DOCK1: variants seen among roughly 807,000 people sequenced by gnomAD.
DOCK1 encodes the protein dedicator of cytokinesis protein 1.
DOCK1 carries 138 observed loss-of-function variants against 262.7 expected under a neutral mutation model. The observed-to-expected ratio is 0.53, with a 90% CI of 0.46 to 0.61. The LOEUF is 0.61. DOCK1 is among the 20% of genes least tolerant of loss of function. The probability of loss-of-function intolerance (pLI) is 0.00; values close to 1 mark genes in which losing one functional copy is unlikely to be tolerated. For synonymous variants in DOCK1, 866 were observed against 867.4 expected, an observed-to-expected ratio of 1.00 and a Z score of 0.03; for missense variants, 1,908 against 2,370.7, an observed-to-expected ratio of 0.80 and a Z score of 4.05.
intron 33 of DOCK1, among the ~76,000 whole-genome samples, chr10:127,371,825 T>C (rs2065224069): frequency 6.6e-6 from 1 of 152,210 alleles, no homozygotes; most frequent in Non-Finnish European, 1.5e-5. Flanking sequence ...CTCCCTTGTA[T>C]GTGATTCCAA....
At chr10:127,415,266 T>A (rs776233441) in intron 44 of DOCK1, 28 bp downstream of exon 44, 46 of 1,603,236 alleles carry the variant, frequency 2.9e-5, no homozygotes, top group Non-Finnish European at 3.8e-5. Context: ...CCAGAAGGAA[T>A]TGTCCGTTCC....
intron 27 of DOCK1, among the ~76,000 whole-genome samples, chr10:127,224,044 C>G (rs1487415395): frequency 6.6e-6 from 1 of 152,106 alleles, no homozygotes; most frequent in Non-Finnish European, 1.5e-5. Context: ...TGACTCACAG[C>G]AAAAAGAAGA....
intron 4 of DOCK1, among the ~76,000 whole-genome samples, chr10:126,984,332 T>G (rs2039198568): frequency 6.6e-6 from 1 of 152,170 alleles, no homozygotes; most frequent in Non-Finnish European, 1.5e-5. Flanking sequence ...AAATTATTAT[T>G]ATTTTTATTT....
intron 27 of DOCK1, among the ~76,000 whole-genome samples, chr10:127,150,513 G>A (rs2052386282): frequency 6.6e-6 from 1 of 152,192 alleles, no homozygotes; most frequent in Non-Finnish European, 1.5e-5. Context: ...CACGACATAA[G>A]TGGTGCACCC....
chr10:127,342,706 T>C (rs1389606732), intron 30 of DOCK1, among the ~76,000 whole-genome samples: 1 of 152,218 alleles, frequency 6.6e-6, no homozygotes, highest in Non-Finnish European at 1.5e-5. Flanking sequence ...ATAATACATA[T>C]TATCCCTGGT....
chr10:127,149,635 G>C (rs556438481), intron 27 of DOCK1, among the ~76,000 whole-genome samples: 126 of 152,258 alleles, frequency 8.3e-4, no homozygotes, highest in Non-Finnish European at 1.7e-3. Context: ...GAAAAGTGGT[G>C]TTTAAATGCA....
At chr10:127,090,852 T>A (rs1221148840) in intron 23 of DOCK1, among the ~76,000 whole-genome samples, 1 of 152,218 alleles carries the variant, frequency 6.6e-6, no homozygotes, top group African/African-American at 2.4e-5. Flanking sequence ...TAGTATTCCA[T>A]TGTATGGACA....
At chr10:127,037,109 CA>C (rs1413309058) in intron 18 of DOCK1, among the ~76,000 whole-genome samples, 2 of 151,732 alleles carry the variant, frequency 1.3e-5, no homozygotes, top group African/African-American at 4.8e-5. Flanking sequence ...ATATAAAATG[CA>C]ACAAACAAAA....
rs772389830 is a variant in DOCK1 at position 127,052,757 on chromosome 10, A to G, written c.2278A>G (p.Met760Val). 5 of 1,613,876 alleles carry G rather than the reference A, an allele frequency of 3.1e-6. No individual in the cohort carries two copies. Among genetic ancestry groups the G allele is most frequent in the Admixed American group, 1.7e-5 (1 of 60,004 alleles). The change falls in exon 22 of 52, where the codon ATG becomes GTG. Residue 760 changes from methionine to valine, a missense_variant. Transcript: ENST00000623213. ...PGVNEQLYKAMKALESIFKFI... is the reference protein window; with the variant it reads ...PGVNEQLYKAVKALESIFKFI... ...AGTAAATGAGCAGCTGTACAAAGCC[A>G]TGAAAGCGCTAGAATCCATCTTCAA...
chr10:127,044,602 C>A (rs913979416), intron 21 of DOCK1, among the ~76,000 whole-genome samples: 2 of 152,098 alleles, frequency 1.3e-5, no homozygotes, highest in East Asian at 3.9e-4. Context: ...AAACGTAGCA[C>A]GGCCTCCACG....
chr10:127,237,110 G>C (rs1458204936), intron 27 of DOCK1, among the ~76,000 whole-genome samples: 4 of 152,132 alleles, frequency 2.6e-5, no homozygotes, highest in African/African-American at 7.2e-5. Flanking sequence ...TGTAATCCCA[G>C]CACTTTGGGA....
chr10:127,368,981 T>C (rs2065069858), intron 33 of DOCK1, among the ~76,000 whole-genome samples: 1 of 152,210 alleles, frequency 6.6e-6, no homozygotes, highest in Non-Finnish European at 1.5e-5. Context: ...CATGGAGCTA[T>C]TTTCTGTCAT....
intron 27 of DOCK1, among the ~76,000 whole-genome samples, chr10:127,206,136 CTTTTTTTTTTTTT>C (rs34450374): frequency 2.5e-5 from 2 of 78,660 alleles, no homozygotes; most frequent in South Asian, 6.3e-4. Flanking sequence ...TTCTTCTTCT[CTTTTTTTTTTTTT>C]TTTTTTTTTT....
At chr10:127,267,467 C>A (rs1326420652) in intron 29 of DOCK1, among the ~76,000 whole-genome samples, 1 of 152,194 alleles carries the variant, frequency 6.6e-6, no homozygotes, top group African/African-American at 2.4e-5. Context: ...TTCAGATTGC[C>A]TGTTTTAAAT....
chr10:127,256,799 A>G (rs1272306880), intron 28 of DOCK1, among the ~76,000 whole-genome samples: 1 of 152,138 alleles, frequency 6.6e-6, no homozygotes, highest in Non-Finnish European at 1.5e-5. Flanking sequence ...CATCTAGGAG[A>G]GTTTGGCAAC....
chr10:127,000,817 C>T (rs79311685), intron 10 of DOCK1: 5 of 151,696 alleles, frequency 3.3e-5, no homozygotes, highest in Admixed American at 1.4e-4. Flanking sequence ...TGGTGCTTTT[C>T]CTCTGCCATG....
At position 127,376,802 on chromosome 10, in the gene DOCK1, A is replaced by C. The variant is rs143370616; in HGVS notation, c.3675+2588A>C. 7.5e-3 allele frequency among the ~76,000 whole-genome samples: 1,138 copies of C among 152,292 alleles called. 16 individuals are homozygous for C. The highest frequency in any genetic ancestry group is 0.026 in the African/African-American group (1,062 of 41,564). On this transcript the variant is annotated intron_variant, in intron 35 of 51. Transcript: ENST00000623213. Reference sequence around the variant, plus strand: ...ATGATTGAGACTTTTATTTGTTTTAAGCAAGATCTCTTATGCTCACCAGGA... The same window carrying C: ...ATGATTGAGACTTTTATTTGTTTTACGCAAGATCTCTTATGCTCACCAGGA...
In DOCK1 at chr10:127,127,605, A is replaced by G. The variant is rs1037772377; in HGVS notation, c.2752-64A>G. 2.0e-5 allele frequency: 26 copies of G among 1,308,044 alleles called. No individual in the cohort carries two copies. The Admixed American group carries it at 2.3e-4, about 12-fold the overall frequency. 81.0% of individuals were successfully genotyped at this position (1,308,044 alleles called of 1,614,324 possible). ...TACAGGGTAAATGGATTCAATGACA[A>G]CCACTGGGGCTTGCATGTTAATGTT... On this transcript the variant is annotated intron_variant, in intron 26 of 51. Transcript: ENST00000623213.
chr10:127,340,134 T>C (rs1255165798), intron 30 of DOCK1, among the ~76,000 whole-genome samples: 1 of 152,200 alleles, frequency 6.6e-6, no homozygotes, highest in Non-Finnish European at 1.5e-5. Context: ...TAATAATATA[T>C]CAGGTGCCAT....
Sources: allele counts gnomAD v4.1 joint callset (sites outside exome capture counted in the v4.1 genomes callset), GRCh38; gene constraint gnomAD v4.1.1; transcripts MANE v1.5; gene names NCBI Gene and HGNC (gene_info 2026-07-23, HGNC 2026-07-21).